The following KCMF1 variants were observed in gnomAD, a reference collection of about 807,000 sequenced individuals.
KCMF1 encodes the protein potassium channel modulatory factor 1.
In KCMF1, 3 loss-of-function variants were observed where a neutral mutation model predicts 41.1. The observed-to-expected ratio is 0.07, with a 90% confidence interval of 0.03 to 0.19. The LOEUF is 0.19. Ranked by LOEUF, KCMF1 falls within the 10% of genes least tolerant of loss-of-function variation. The pLI, the probability that KCMF1 is intolerant of heterozygous loss-of-function variation, is 1.00. For synonymous variants in KCMF1, 142 were observed against 164.5 expected (o/e 0.86, Z 1.04); for missense variants, 286 against 488.9 (o/e 0.58, Z 3.91).
At chr2:85,051,092 C>T (rs1161605721) in intron 6 of KCMF1, among the ~76,000 whole-genome samples, 1 of 152,176 alleles carries the variant, frequency 6.6e-6, no homozygotes, top group East Asian at 1.9e-4. Flanking sequence ...TAATGGTACT[C>T]GTTATCAACA....
chr2:85,033,543 T>C (rs1675333586), intron 2 of KCMF1, among the ~76,000 whole-genome samples: 1 of 152,176 alleles, frequency 6.6e-6, no homozygotes, highest in African/African-American at 2.4e-5. Flanking sequence ...GATGGGGAAG[T>C]GGGCATGTGT....
At chr2:84,999,173 CAG>C in intron 1 of KCMF1, among the ~76,000 whole-genome samples, 1 of 152,006 alleles carries the variant, frequency 6.6e-6, no homozygotes, top group African/African-American at 2.4e-5. Flanking sequence ...ATATCTGAGA[CAG>C]AGTCTTGCTC....
At chr2:85,027,062 T>C (rs1675126076) in intron 1 of KCMF1, among the ~76,000 whole-genome samples, 1 of 152,218 alleles carries the variant, frequency 6.6e-6, no homozygotes, top group African/African-American at 2.4e-5. Context: ...TTTGTGGTTA[T>C]GGCTTTTTGT....
rs1675912730 is a variant in KCMF1, at chr2:85,055,784, CTT to C, written c.*2377_*2378del. On this transcript the variant is annotated 3_prime_UTR_variant, in exon 7 of 7. Transcript: ENST00000409785. The stretch of plus-strand genomic sequence containing the variant: ...ATTGAATAAAAATTAATTGCAAAGA[CTT>C]TGATGGAGACAAAATCAAAATATAC... The C allele has an allele frequency of 6.6e-6, 1 of 152,086 alleles. No homozygotes were observed. Among genetic ancestry groups the C allele is most frequent in the African/African-American group, 2.4e-5 (1 of 41,404 alleles). 9.4% of individuals were successfully genotyped at this position (152,086 alleles called of 1,614,324 possible). A position where few individuals can be genotyped will look rare whatever the true frequency, so the allele number is the denominator to read the frequency against.
chr2:84,998,575 A>G (rs1674233298), intron 1 of KCMF1, among the ~76,000 whole-genome samples: 9 of 151,422 alleles, frequency 5.9e-5, no homozygotes, highest in Admixed American at 5.3e-4. Flanking sequence ...CGCCTTATTT[A>G]TTTATTTATT....
At chr2:85,045,996 T>A in intron 4 of KCMF1, 108 bp from the exon 5 acceptor site, 1 of 928,688 alleles carries the variant, frequency 1.1e-6, no homozygotes, top group South Asian at 1.8e-5. Context: ...ATGTGCTGTT[T>A]TTAAATGCTT....
chr2:84,991,966 A>G (rs1674050554), intron 1 of KCMF1, among the ~76,000 whole-genome samples: 1 of 152,212 alleles, frequency 6.6e-6, no homozygotes, highest in South Asian at 2.1e-4. Context: ...TTAGTTCATC[A>G]GTACCCTGAG....
In KCMF1 at chr2:84,977,094, A is replaced by G. The variant is rs552192172; in HGVS notation, c.16+5627A>G. On this transcript the variant is annotated intron_variant, in intron 1 of 6. Coordinates refer to ENST00000409785, the MANE Select transcript of KCMF1 (RefSeq NM_020122.5). Reference sequence around the variant, plus strand: ...ATTGGTGGGATCTTGGCTTACTGCAACCTCCATCTCCCAGGCTCAAGTGAT... The same window carrying G: ...ATTGGTGGGATCTTGGCTTACTGCAGCCTCCATCTCCCAGGCTCAAGTGAT... 2.9e-3 allele frequency among the ~76,000 whole-genome samples: 434 copies of G among 151,808 alleles called. 2 individuals are homozygous for G. The highest frequency in any genetic ancestry group is 9.5e-3 in the African/African-American group (393 of 41,372).
At chr2:85,015,030 C>T (rs919575518) in intron 1 of KCMF1, among the ~76,000 whole-genome samples, 11 of 151,582 alleles carry the variant, frequency 7.3e-5, no homozygotes, top group Non-Finnish European at 1.3e-4. Context: ...CTTTTTCCCC[C>T]CTCTACTTTC....
intron 1 of KCMF1, among the ~76,000 whole-genome samples, chr2:84,994,554 C>T (rs1674131457): frequency 6.6e-6 from 1 of 152,144 alleles, no homozygotes; most frequent in African/African-American, 2.4e-5. Context: ...CAGGCATGCG[C>T]CGCCACACCC....
At chr2:85,029,527 A>G (rs1437590189) in intron 2 of KCMF1, among the ~76,000 whole-genome samples, 2 of 151,510 alleles carry the variant, frequency 1.3e-5, no homozygotes, top group Non-Finnish European at 2.9e-5. Flanking sequence ...TGAGCCCAGG[A>G]GGTCAAGTGT....
At chr2:84,995,758 G>A (rs1391402188) in intron 1 of KCMF1, among the ~76,000 whole-genome samples, 2 of 152,122 alleles carry the variant, frequency 1.3e-5, no homozygotes, top group South Asian at 2.1e-4. Flanking sequence ...CAAAACAAGC[G>A]TGGGCAATAC....
chr2:85,007,745 ATTCT>A (rs1445840612), intron 1 of KCMF1, among the ~76,000 whole-genome samples: 2 of 152,116 alleles, frequency 1.3e-5, no homozygotes, highest in Non-Finnish European at 2.9e-5. Flanking sequence ...TGTGTAATTA[ATTCT>A]TGTTATAGGT....
intron 6 of KCMF1, 67 bp downstream of exon 6, chr2:85,049,715 A>C: frequency 7.7e-7 from 1 of 1,290,576 alleles, no homozygotes; most frequent in African/African-American, 1.5e-5. Flanking sequence ...GTCTGGAATT[A>C]TCTTTTCTCT....
chr2:84,976,539 T>G (rs1321645386), intron 1 of KCMF1, among the ~76,000 whole-genome samples: 2 of 151,782 alleles, frequency 1.3e-5, no homozygotes, highest in Non-Finnish European at 2.9e-5. Context: ...CTTTTGATTT[T>G]GGGTAAAATT....
intron 1 of KCMF1, among the ~76,000 whole-genome samples, chr2:84,994,826 G>A (rs1437989836): frequency 6.6e-6 from 1 of 152,086 alleles, no homozygotes; most frequent in Non-Finnish European, 1.5e-5. Flanking sequence ...TGGTTGATAG[G>A]TCCTTTAAAA....
At chr2:85,002,268 T>C (rs1374555305) in intron 1 of KCMF1, among the ~76,000 whole-genome samples, 2 of 152,214 alleles carry the variant, frequency 1.3e-5, no homozygotes, top group East Asian at 3.8e-4. Flanking sequence ...GGTACCAGTG[T>C]CCTATGAAAT....
chr2:85,024,780 GT>G (rs1558579634), intron 1 of KCMF1, among the ~76,000 whole-genome samples: 2 of 152,014 alleles, frequency 1.3e-5, no homozygotes, highest in African/African-American at 4.8e-5. Flanking sequence ...ATCCAATTCT[GT>G]TTTCCCCACA....
chr2:85,053,555 A>G lies in KCMF1; in HGVS notation c.*146A>G, dbSNP rs1467773015. 17 of 855,326 alleles carry G rather than the reference A, an allele frequency of 2.0e-5. No homozygotes were observed. The highest frequency in any genetic ancestry group is 2.8e-5 in the Non-Finnish European group (16 of 566,316). The allele number at this position is 855,326 out of a possible 1,614,324, so 53.0% of individuals were successfully genotyped here. Reference sequence around the variant, plus strand: ...TACATTCAAAAGGAAGAGAGAAAATATATATGATAATCATTTCCACTTAAC... The same window carrying G: ...TACATTCAAAAGGAAGAGAGAAAATGTATATGATAATCATTTCCACTTAAC... On this transcript the variant is annotated 3_prime_UTR_variant, in exon 7 of 7. Transcript: ENST00000409785.
Sources: gnomAD v4.1 joint callset for allele counts (sites outside exome capture counted in the v4.1 genomes callset) on GRCh38, gnomAD v4.1.1 for gene constraint, MANE v1.5 for transcripts, NCBI Gene and HGNC (gene_info 2026-07-23, HGNC 2026-07-21) for gene names.